Variants in ARMC9 observed in about 807,000 individuals in gnomAD.
ARMC9 encodes armadillo repeat containing 9.
In ARMC9, 94 loss-of-function variants were observed where a neutral mutation model predicts 107.0. The ratio of observed to expected loss-of-function variants is 0.88; its 90% CI spans 0.74 to 1.04. ARMC9 has a LOEUF of 1.04. Ranked by LOEUF, ARMC9 falls within the 50% of genes least tolerant of loss-of-function variation. The probability of loss-of-function intolerance (pLI) is 0.00; values close to 1 mark genes in which losing one functional copy is unlikely to be tolerated. For missense variants in ARMC9, 942 were observed against 1,030.1 expected (o/e 0.91, Z 1.17); for synonymous variants, 380 against 396.9 (o/e 0.96, Z 0.51).
intron 12 of ARMC9, among the ~76,000 whole-genome samples, chr2:231,266,260 A>C (rs1450989401): frequency 4.6e-5 from 7 of 152,330 alleles, no homozygotes; most frequent in Middle Eastern, 3.4e-3. Flanking sequence ...CAATAGGTCT[A>C]TGGTGGGGCC....
rs1033033147 is a variant in ARMC9 at position 231,371,835 on chromosome 2, G to A, written c.*300G>A. On this transcript the variant is annotated 3_prime_UTR_variant, in exon 25 of 25. Coordinates refer to ENST00000611582, the MANE Select transcript of ARMC9 (RefSeq NM_001352754.2). ...CAGAGGAGAGGGGTGGCTTTTGCCC[G>A]CAGGAGATCTTCTGGCCCCAGAAAC... 1.6e-4 allele frequency: 52 copies of A among 332,438 alleles called. No individual in the cohort carries two copies. The highest frequency in any genetic ancestry group is 1.2e-3 in the South Asian group (8 of 6,418). 20.6% of individuals were successfully genotyped at this position (332,438 alleles called of 1,614,324 possible).
Position 231,268,998 on chromosome 2 carries a change from G to C in ARMC9, c.1120-1984G>C, listed in dbSNP as rs749249989. 4.6e-3 allele frequency among the ~76,000 whole-genome samples: 705 copies of C among 152,282 alleles called. 1 individual carries two copies. Among genetic ancestry groups the C allele is most frequent in the Non-Finnish European group, 7.3e-3 (495 of 68,016 alleles). ...CGAGAGGATTGCTTGAGCCCAAGAGGTTGAGGCTGTGAGCTGTGATCACAC... is the reference window on the plus strand; with the variant it reads ...CGAGAGGATTGCTTGAGCCCAAGAGCTTGAGGCTGTGAGCTGTGATCACAC... On this transcript the variant is annotated intron_variant, in intron 12 of 24. Coordinates refer to ENST00000611582, the MANE Select transcript of ARMC9 (RefSeq NM_001352754.2).
intron 7 of ARMC9, among the ~76,000 whole-genome samples, chr2:231,228,523 A>G (rs1213801532): frequency 6.6e-6 from 1 of 152,182 alleles, no homozygotes; most frequent in Non-Finnish European, 1.5e-5. Context: ...TCCAAGGGTG[A>G]ATGTCCCCAG....
chr2:231,352,303 ATTTT>A (rs527917929), intron 21 of ARMC9, among the ~76,000 whole-genome samples: 1 of 145,022 alleles, frequency 6.9e-6, no homozygotes, highest in Admixed American at 6.9e-5. Flanking sequence ...CACTGCTAGG[ATTTT>A]TTTTTTTAAC....
chr2:231,364,581 G>T (rs2045732400), intron 23 of ARMC9, among the ~76,000 whole-genome samples: 1 of 152,112 alleles, frequency 6.6e-6, no homozygotes, highest in African/African-American at 2.4e-5. Context: ...CGGATCACCT[G>T]AGGTCCAGGA....
At chr2:231,345,162 T>C in intron 21 of ARMC9, 72 bp downstream of exon 21, 1 of 1,563,638 alleles carries the variant, frequency 6.4e-7, no homozygotes, top group South Asian at 1.2e-5. Flanking sequence ...AAGATGTATG[T>C]ATTTTTAAAA....
intron 22 of ARMC9, among the ~76,000 whole-genome samples, chr2:231,357,851 G>A (rs1450009436): frequency 2.6e-5 from 4 of 152,174 alleles, no homozygotes; most frequent in African/African-American, 9.6e-5. Flanking sequence ...GATTACAGGC[G>A]TGAGCCATCA....
At chr2:231,303,238 T>C (rs2041863548) in intron 19 of ARMC9, among the ~76,000 whole-genome samples, 1 of 151,906 alleles carries the variant, frequency 6.6e-6, no homozygotes, top group African/African-American at 2.4e-5. Flanking sequence ...TGGGTTGTTT[T>C]GTTTTGTTTT....
At chr2:231,239,622 C>T (rs2036098074) in intron 8 of ARMC9, among the ~76,000 whole-genome samples, 1 of 152,172 alleles carries the variant, frequency 6.6e-6, no homozygotes, top group Non-Finnish European at 1.5e-5. Context: ...GACTTTGTTA[C>T]ATGAATTTAC....
intron 7 of ARMC9, among the ~76,000 whole-genome samples, chr2:231,234,478 T>C (rs187656588): frequency 6.6e-6 from 1 of 152,344 alleles, no homozygotes; most frequent in African/African-American, 2.4e-5. Flanking sequence ...CCCAAAGTTT[T>C]ATTTAAAATA....
intron 22 of ARMC9, among the ~76,000 whole-genome samples, chr2:231,359,931 A>G (rs556274476): frequency 1.3e-5 from 2 of 152,308 alleles, no homozygotes; most frequent in East Asian, 1.9e-4. Context: ...TCACATTGCA[A>G]AGCCACAGAG....
intron 17 of ARMC9, among the ~76,000 whole-genome samples, chr2:231,286,361 C>T (rs1351548838): frequency 6.6e-6 from 1 of 152,196 alleles, no homozygotes; most frequent in Non-Finnish European, 1.5e-5. Context: ...GTGATCCACC[C>T]ACCTCAGCCT....
intron 19 of ARMC9, among the ~76,000 whole-genome samples, chr2:231,318,349 T>C (rs1559454873): frequency 6.6e-6 from 1 of 152,200 alleles, no homozygotes; most frequent in Non-Finnish European, 1.5e-5. Flanking sequence ...CTGCTTGAGC[T>C]GTGTGTGGAT....
At chr2:231,345,241 AG>A (rs1004497669) in intron 21 of ARMC9, 151 bp downstream of exon 21, 8 of 1,399,414 alleles carry the variant, frequency 5.7e-6, no homozygotes, top group Admixed American at 6.4e-5. Context: ...GGAGGGAAAG[AG>A]GTTGAGTCCT....
At chr2:231,272,442 GC>G (rs2039416800) in intron 13 of ARMC9, among the ~76,000 whole-genome samples, 1 of 152,104 alleles carries the variant, frequency 6.6e-6, no homozygotes, top group Non-Finnish European at 1.5e-5. Flanking sequence ...CAGTCTACCT[GC>G]CTCAGCCTCC....
chr2:231,355,537 A>G (rs776967368), intron 21 of ARMC9, among the ~76,000 whole-genome samples: 27 of 152,296 alleles, frequency 1.8e-4, no homozygotes, highest in South Asian at 1.2e-3. Flanking sequence ...GTAACACGTA[A>G]TTGTGTGTTA....
Position 231,214,957 on chromosome 2 carries a change from A to T in ARMC9, c.304A>T (p.Ile102Phe). The T allele has an allele frequency of 6.2e-7, 1 of 1,614,160 alleles. No homozygotes were observed. Among genetic ancestry groups the T allele is most frequent in the Non-Finnish European group, 8.5e-7 (1 of 1,180,028 alleles). Residue 102 changes from isoleucine to phenylalanine, a missense_variant, in exon 4 of 25, where the codon ATC (isoleucine) becomes TTC (phenylalanine). Physicochemically the swap from Ile to Phe is conservative, Grantham distance 21. Transcript: ENST00000611582. ...CCAGAAGCTGGAATTCTATCTCCACATCCATTTTGCCATCTATCTTTTGAA... is the reference window on the plus strand; with the variant it reads ...CCAGAAGCTGGAATTCTATCTCCACTTCCATTTTGCCATCTATCTTTTGAA... ...FAQKLEFYLH[I>F]HFAIYLLKYS...
intron 9 of ARMC9, 197 bp downstream of exon 9, chr2:231,240,238 G>T: frequency 1.7e-6 from 1 of 595,812 alleles, no homozygotes; most frequent in Non-Finnish European, 2.9e-6. Flanking sequence ...TCCTAGGGAG[G>T]GTGAGGAGAG....
chr2:231,218,424 A>G (rs2125326885), intron 5 of ARMC9, among the ~76,000 whole-genome samples: 1 of 152,280 alleles, frequency 6.6e-6, no homozygotes, highest in Non-Finnish European at 1.5e-5. Context: ...TTGGAAGGAG[A>G]TGGTAGATTT....
Sources: allele counts gnomAD v4.1 joint callset (sites outside exome capture counted in the v4.1 genomes callset), GRCh38; gene constraint gnomAD v4.1.1; transcripts MANE v1.5; gene names NCBI Gene and HGNC (gene_info 2026-07-23, HGNC 2026-07-21).